Variants in DOCK4 observed in about 807,000 individuals in gnomAD.
DOCK4 encodes the protein dedicator of cytokinesis 4.
In DOCK4, 97 loss-of-function variants were observed where a neutral mutation model predicts 268.1. The ratio of observed to expected loss-of-function variants is 0.36; its 90% CI spans 0.31 to 0.43. DOCK4 has a LOEUF of 0.43. Among genes scored for constraint, DOCK4 ranks in the 20% least tolerant of loss-of-function variants. The pLI, the probability that DOCK4 is intolerant of heterozygous loss-of-function variation, is 1.00. For missense variants in DOCK4, 2,145 were observed against 2,455.7 expected, an observed-to-expected ratio of 0.87 and a Z score of 2.67; for synonymous variants, 954 against 887.2, an observed-to-expected ratio of 1.08 and a Z score of -1.34.
intron 1 of DOCK4, among the ~76,000 whole-genome samples, chr7:112,057,864 T>A (rs1200313416): frequency 6.6e-6 from 1 of 151,850 alleles, no homozygotes; most frequent in Non-Finnish European, 1.5e-5. Context: ...TAAAAGGTTT[T>A]ATAAAACTAA....
intron 1 of DOCK4, among the ~76,000 whole-genome samples, chr7:112,162,179 G>T (rs1373853326): frequency 6.6e-6 from 1 of 152,158 alleles, no homozygotes; most frequent in African/African-American, 2.4e-5. Flanking sequence ...CATCAAGAGA[G>T]CAGAGCTCTG....
intron 1 of DOCK4, among the ~76,000 whole-genome samples, chr7:112,150,376 C>T (rs1815944514): frequency 6.6e-6 from 1 of 152,136 alleles, no homozygotes; most frequent in Admixed American, 6.6e-5. Flanking sequence ...CAAGAATGAG[C>T]ACTTGTCTGC....
chr7:112,078,216 GT>G (rs1486362978), intron 1 of DOCK4, among the ~76,000 whole-genome samples: 1 of 151,990 alleles, frequency 6.6e-6, no homozygotes, highest in Non-Finnish European at 1.5e-5. Flanking sequence ...TGCTTAATTA[GT>G]TTACATCTAA....
intron 1 of DOCK4, among the ~76,000 whole-genome samples, chr7:112,197,808 T>G (rs1820584780): frequency 6.6e-6 from 1 of 152,094 alleles, no homozygotes; most frequent in South Asian, 2.1e-4. Flanking sequence ...AAATAATCTT[T>G]AATCACACTC....
intron 41 of DOCK4, among the ~76,000 whole-genome samples, chr7:111,756,010 A>G (rs951373780): frequency 6.6e-6 from 1 of 152,204 alleles, no homozygotes; most frequent in African/African-American, 2.4e-5. Context: ...CAGAGTCCTA[A>G]GGGAAGCAAA....
chr7:112,081,642 A>T (rs1191031993), intron 1 of DOCK4, among the ~76,000 whole-genome samples: 1 of 152,132 alleles, frequency 6.6e-6, no homozygotes, highest in African/African-American at 2.4e-5. Context: ...AGTTATCTCA[A>T]ATGTTTTGTA....
chr7:112,112,723 CT>C (rs1443967596), intron 1 of DOCK4, among the ~76,000 whole-genome samples: 1 of 152,004 alleles, frequency 6.6e-6, no homozygotes, highest in Admixed American at 6.6e-5. Flanking sequence ...AGCCTCTTTT[CT>C]TTATAAATTA....
At chr7:112,131,382 G>A (rs1447880550) in intron 1 of DOCK4, among the ~76,000 whole-genome samples, 1 of 152,176 alleles carries the variant, frequency 6.6e-6, no homozygotes, top group African/African-American at 2.4e-5. Context: ...AAAAACTCCA[G>A]GGTAGATCCT....
chr7:111,740,171 C>T (rs1186589023), intron 47 of DOCK4: 1 of 408,702 alleles, frequency 2.4e-6, no homozygotes, highest in South Asian at 1.7e-5. Context: ...ATGCTCTCGG[C>T]TCACTGCAAC....
chr7:111,758,977 A>G (rs974391783), intron 40 of DOCK4, among the ~76,000 whole-genome samples, 187 bp from the exon 41 acceptor site: 9 of 152,178 alleles, frequency 5.9e-5, no homozygotes, highest in Non-Finnish European at 1.2e-4. Flanking sequence ...CTCAAACTAC[A>G]GGTCTTGAAC....
At chr7:111,761,623 G>A (rs1006866767) in intron 39 of DOCK4, among the ~76,000 whole-genome samples, 2 of 152,066 alleles carry the variant, frequency 1.3e-5, no homozygotes, top group Non-Finnish European at 2.9e-5. Flanking sequence ...GTAAAACGCC[G>A]TAAAGAGGGA....
chr7:112,027,481 T>C (rs1563008212), intron 1 of DOCK4, among the ~76,000 whole-genome samples: 1 of 152,216 alleles, frequency 6.6e-6, no homozygotes, highest in Non-Finnish European at 1.5e-5. Flanking sequence ...TGCCTCGGCC[T>C]CCCAAAGTGC....
intron 1 of DOCK4, among the ~76,000 whole-genome samples, chr7:112,061,557 A>G (rs1806396816): frequency 2.0e-5 from 3 of 152,074 alleles, no homozygotes; most frequent in South Asian, 4.2e-4. Flanking sequence ...TACATTTAAT[A>G]TGGAACAAGA....
intron 1 of DOCK4, among the ~76,000 whole-genome samples, chr7:112,005,431 C>A (rs1183987013): frequency 1.3e-5 from 2 of 152,144 alleles, no homozygotes; most frequent in African/African-American, 2.4e-5. Context: ...GGATAGAAAC[C>A]AATTCAGAAC....
intron 7 of DOCK4, among the ~76,000 whole-genome samples, chr7:111,982,866 A>C (rs1798712556): frequency 6.6e-6 from 1 of 152,260 alleles, no homozygotes; most frequent in African/African-American, 2.4e-5. Context: ...TAAGTTAAAT[A>C]AATGAACAAA....
intron 1 of DOCK4, among the ~76,000 whole-genome samples, chr7:112,155,147 C>T (rs544025156): frequency 6.6e-6 from 1 of 152,254 alleles, no homozygotes; most frequent in African/African-American, 2.4e-5. Context: ...CAGCATAGCG[C>T]TTTTTCTTTT....
At chr7:112,045,639 G>C (rs551737482) in intron 1 of DOCK4, among the ~76,000 whole-genome samples, 1 of 152,300 alleles carries the variant, frequency 6.6e-6, no homozygotes, top group South Asian at 2.1e-4. Context: ...ATACATGCTT[G>C]AAACTTAGCA....
chr7:112,188,594 A>T (rs1200640109), intron 1 of DOCK4, among the ~76,000 whole-genome samples: 2 of 152,248 alleles, frequency 1.3e-5, no homozygotes, highest in Non-Finnish European at 2.9e-5. Context: ...TGTCTGGAAC[A>T]CGCAATAATT....
intron 47 of DOCK4, chr7:111,740,225 G>C (rs555921181): frequency 2.0e-5 from 6 of 306,722 alleles, no homozygotes; most frequent in South Asian, 9.6e-5. Context: ...TCAGCCTCCC[G>C]AGTAGCTGGG....
Sources: allele counts gnomAD v4.1 joint callset (sites outside exome capture counted in the v4.1 genomes callset), GRCh38; gene constraint gnomAD v4.1.1; transcripts MANE v1.5; gene names NCBI Gene and HGNC (gene_info 2026-07-23, HGNC 2026-07-21).